The following SHROOM4 variants were observed in gnomAD, a reference collection of about 807,000 sequenced individuals.
The protein encoded by SHROOM4 is protein Shroom4.
SHROOM4 carries 17 observed loss-of-function variants against 80.3 expected under a neutral mutation model. The observed-to-expected ratio is 0.21, with a 90% CI of 0.14 to 0.32. The LOEUF (loss-of-function observed/expected upper bound fraction) is 0.32, where lower values mean the gene tolerates loss of function less well. Among genes scored for constraint, SHROOM4 ranks in the 10% least tolerant of loss-of-function variants. The probability of loss-of-function intolerance (pLI) is 1.00; values close to 1 mark genes in which losing one functional copy is unlikely to be tolerated. For missense variants in SHROOM4, 993 were observed against 1,140.3 expected, an observed-to-expected ratio of 0.87 and a Z score of 1.86; for synonymous variants, 400 against 437.5, an observed-to-expected ratio of 0.91 and a Z score of 1.07.
At chrX:50,778,227 A>G (rs1342998749) in intron 1 of SHROOM4, among the ~76,000 whole-genome samples, 4 of 112,410 alleles carry the variant, frequency 3.6e-5, no homozygotes, top group African/African-American at 1.3e-4. Flanking sequence ...TTTTTTAGCC[A>G]ATTATTCTAT....
chrX:50,801,914 T>C (rs1936130908), intron 1 of SHROOM4, among the ~76,000 whole-genome samples: 2 of 112,197 alleles, frequency 1.8e-5, no homozygotes, highest in South Asian at 7.5e-4. Context: ...GTGACTTTAG[T>C]CTACAAGAAG....
Position 50,635,206 on chromosome X carries a change from T to C in SHROOM4, c.867A>G (p.Gln289=). The C allele has an allele frequency of 8.3e-7, 1 of 1,203,716 alleles. No homozygotes were observed. Among genetic ancestry groups the C allele is most frequent in the Non-Finnish European group, 1.1e-6 (1 of 891,285 alleles). The change falls in exon 4 of 9, where the codon CAA becomes CAG. Residue 289 remains glutamine, a synonymous_variant. Transcript: ENST00000376020. ...RRDSLQASRA[Q]LLNGEQRRAS... is the part of the protein sequence containing the mutation. ...CCCTGCGCTGCTCTCCATTGAGGAG[T>C]TGGGCTCTGGAGGCCTGAAGGCTGT... is the stretch of plus-strand genomic sequence containing the variant.
intron 1 of SHROOM4, among the ~76,000 whole-genome samples, chrX:50,798,895 C>T (rs1557272346): frequency 9.0e-6 from 1 of 111,509 alleles, no homozygotes; most frequent in Non-Finnish European, 1.9e-5. Context: ...AACATAAAAG[C>T]ACACGAGCTA....
intron 1 of SHROOM4, among the ~76,000 whole-genome samples, chrX:50,706,838 A>C (rs1265191079): frequency 8.9e-6 from 1 of 111,847 alleles, no homozygotes; most frequent in Non-Finnish European, 1.9e-5. Context: ...AATTTAGTGG[A>C]AGGAATGGAG....
chrX:50,730,690 G>T (rs1180962943), intron 1 of SHROOM4, among the ~76,000 whole-genome samples: 2 of 108,993 alleles, frequency 1.8e-5, no homozygotes, highest in African/African-American at 6.7e-5. Context: ...CAGGAGAATT[G>T]CTTGAACCCA....
chrX:50,747,185 G>A (rs1447665642), intron 1 of SHROOM4, among the ~76,000 whole-genome samples: 5 of 111,994 alleles, frequency 4.5e-5, no homozygotes, highest in African/African-American at 1.6e-4. Context: ...AGATTGCTAA[G>A]CTTAGGGATT....
intron 1 of SHROOM4, among the ~76,000 whole-genome samples, chrX:50,800,571 G>A (rs1355071416): frequency 9.0e-6 from 1 of 111,294 alleles, no homozygotes; most frequent in African/African-American, 3.3e-5. Flanking sequence ...CCAGAGAAGT[G>A]AGAAGTCCTT....
intron 1 of SHROOM4, among the ~76,000 whole-genome samples, chrX:50,801,690 A>C (rs782107751): frequency 1.4e-4 from 16 of 111,745 alleles, no homozygotes; most frequent in Non-Finnish European, 2.6e-4. Context: ...AGAAAAGGAG[A>C]GTATCAGCCT....
At chrX:50,638,803 C>T (rs189525756) in intron 2 of SHROOM4, among the ~76,000 whole-genome samples, 10 of 112,828 alleles carry the variant, frequency 8.9e-5, no homozygotes, top group Admixed American at 7.5e-4. Context: ...GTGTCCTCTA[C>T]GTGTAACTCT....
At chrX:50,796,377 C>G (rs1161924184) in intron 1 of SHROOM4, among the ~76,000 whole-genome samples, 4 of 111,577 alleles carry the variant, frequency 3.6e-5, no homozygotes, top group African/African-American at 1.3e-4. Flanking sequence ...CAAGGCACTG[C>G]TGGGAGCATG....
chrX:50,768,661 G>A (rs782372153), intron 1 of SHROOM4, among the ~76,000 whole-genome samples: 3 of 112,110 alleles, frequency 2.7e-5, no homozygotes, highest in South Asian at 7.4e-4. Flanking sequence ...ACCTATGAAC[G>A]TGAGCTGCTT....
In SHROOM4 at chrX:50,790,390, G is replaced by T. The variant is rs782164855; in HGVS notation, c.117+23512C>A. Among the ~76,000 whole-genome samples the T allele has an allele frequency of 2.4e-4, 27 of 111,545 alleles. 1 individual carries two copies. In the South Asian group the frequency reaches 5.6e-3, roughly 23 times the overall value. On this transcript the variant is annotated intron_variant, in intron 1 of 8. Coordinates refer to ENST00000376020, the MANE Select transcript of SHROOM4 (RefSeq NM_020717.5). Reference sequence around the variant, plus strand: ...ATCAAATATTTGAAAAAGAATTAATGCCAATCCTTCTCAAACGCTCCCAAA... The same window carrying T: ...ATCAAATATTTGAAAAAGAATTAATTCCAATCCTTCTCAAACGCTCCCAAA...
intron 1 of SHROOM4, among the ~76,000 whole-genome samples, chrX:50,762,369 C>A (rs1557268979): frequency 9.0e-6 from 1 of 111,569 alleles, no homozygotes; most frequent in African/African-American, 3.3e-5. Context: ...TACAGGCCCC[C>A]AATTCAATTA....
chrX:50,630,308 C>G (rs1338246835), intron 4 of SHROOM4, among the ~76,000 whole-genome samples: 1 of 107,303 alleles, frequency 9.3e-6, no homozygotes, highest in Non-Finnish European at 1.9e-5. Context: ...AAAAGTCTCT[C>G]AAGCTAAGCC....
Position 50,670,457 on chromosome X carries a change from G to A in SHROOM4, c.269+25329C>T, listed in dbSNP as rs188199732. Among the ~76,000 whole-genome samples, 319 of 111,879 alleles carry A rather than the reference G, an allele frequency of 2.9e-3. 2 individuals carry two copies. The highest frequency in any genetic ancestry group is 0.01 in the African/African-American group (312 of 30,784). On this transcript the variant is annotated intron_variant, in intron 2 of 8. Coordinates refer to ENST00000376020, the MANE Select transcript of SHROOM4 (RefSeq NM_020717.5). ...CATGAACTCATCCATTTTTATGGCT[G>A]CATAGTATTCAATGGTGTATATGTG...
intron 2 of SHROOM4, among the ~76,000 whole-genome samples, chrX:50,641,068 T>C (rs1197993507): frequency 1.8e-5 from 2 of 112,370 alleles, no homozygotes; most frequent in Non-Finnish European, 3.8e-5. Context: ...CCCCTCTCCT[T>C]TTGTTAACCT....
intron 1 of SHROOM4, among the ~76,000 whole-genome samples, chrX:50,789,432 T>C (rs1935812186): frequency 9.1e-6 from 1 of 110,083 alleles, no homozygotes; most frequent in Admixed American, 9.6e-5. Flanking sequence ...AAAAGGGAAA[T>C]TAGAAAATAT....
intron 1 of SHROOM4, among the ~76,000 whole-genome samples, chrX:50,697,836 T>C (rs1295840753): frequency 1.8e-5 from 2 of 112,172 alleles, no homozygotes; most frequent in East Asian, 2.8e-4. Context: ...TGTACTTGAA[T>C]TTCAGAAGTT....
intron 2 of SHROOM4, among the ~76,000 whole-genome samples, chrX:50,648,246 T>C (rs1931913524): frequency 9.0e-6 from 1 of 111,603 alleles, no homozygotes; most frequent in Admixed American, 9.5e-5. Flanking sequence ...ACAGTATTTG[T>C]TGATGGACTG....
Sources: gnomAD v4.1 joint callset for allele counts (sites outside exome capture counted in the v4.1 genomes callset) on GRCh38, gnomAD v4.1.1 for gene constraint, MANE v1.5 for transcripts, NCBI Gene and HGNC (gene_info 2026-07-23, HGNC 2026-07-21) for gene names.